SNX7: variants seen among roughly 807,000 people sequenced by gnomAD.
SNX7 encodes sorting nexin 7.
In SNX7, 35 loss-of-function variants were observed where a neutral mutation model predicts 48.4. The observed-to-expected ratio is 0.72, with a 90% CI of 0.55 to 0.96. The LOEUF (loss-of-function observed/expected upper bound fraction) is 0.96. Among genes scored for constraint, SNX7 ranks in the 40% least tolerant of loss-of-function variants. SNX7 has a pLI of 0.00. For missense variants in SNX7, 553 were observed against 548.9 expected, an observed-to-expected ratio of 1.01 and a Z score of -0.07; for synonymous variants, 190 against 190.2, an observed-to-expected ratio of 1.00 and a Z score of 0.01.
chr1:98,719,347 C>T (rs1652747123), intron 7 of SNX7, among the ~76,000 whole-genome samples: 1 of 152,112 alleles, frequency 6.6e-6, no homozygotes, highest in African/African-American at 2.4e-5. Flanking sequence ...TTCCTGTACC[C>T]TCCACCCGCA....
At chr1:98,694,798 G>C (rs11166071) in intron 4 of SNX7, among the ~76,000 whole-genome samples, 132,690 of 150,810 alleles carry the variant, frequency 0.88, 59,562 homozygotes, top group Non-Finnish European at 0.96. Flanking sequence ...TTAGTAGAGA[G>C]GGAGTTTCAC....
chr1:98,756,422 G>GTTT (rs35117249), intron 8 of SNX7, among the ~76,000 whole-genome samples: 1,711 of 54,594 alleles, frequency 0.031, 133 homozygotes, highest in Admixed American at 0.042. Flanking sequence ...TGCCAGATGA[G>GTTT]TTTTTTTTTT....
intron 8 of SNX7, among the ~76,000 whole-genome samples, chr1:98,756,360 T>C (rs1654845516): frequency 6.7e-6 from 1 of 149,508 alleles, no homozygotes; most frequent in Non-Finnish European, 1.5e-5. Flanking sequence ...CTCATGTCGT[T>C]ACTATGTCAT....
chr1:98,673,583 C>G (rs1290492116), intron 1 of SNX7, among the ~76,000 whole-genome samples: 1 of 152,156 alleles, frequency 6.6e-6, no homozygotes. Context: ...CAGTCTTGAC[C>G]ACTATTGTAT....
chr1:98,726,956 A>C (rs1488690500), intron 7 of SNX7, among the ~76,000 whole-genome samples: 1 of 152,210 alleles, frequency 6.6e-6, no homozygotes, highest in African/African-American at 2.4e-5. Flanking sequence ...CATGCCTGTA[A>C]TCCCAGCACT....
At chr1:98,737,622 G>C (rs1403771962) in intron 7 of SNX7, among the ~76,000 whole-genome samples, 1 of 152,202 alleles carries the variant, frequency 6.6e-6, no homozygotes, top group Non-Finnish European at 1.5e-5. Context: ...AGGTGGGGAA[G>C]AGGGTAAATA....
Position 98,675,994 on chromosome 1 carries a change from T to C in SNX7, c.181-8891T>C, listed in dbSNP as rs569947414. ...GTTTTTCTGGTTATAAAATATAACA[T>C]ATGTTTTAGAATATTTGGAAAATAA... On this transcript the variant is annotated intron_variant, in intron 1 of 8. Transcript: ENST00000306121. Among the ~76,000 whole-genome samples the C allele has an allele frequency of 3.3e-5, 5 of 152,290 alleles. 1 individual carries two copies. In the South Asian group the frequency reaches 1.0e-3, roughly 32 times the overall value.
At chr1:98,744,230 A>T (rs1570602160) in intron 8 of SNX7, among the ~76,000 whole-genome samples, 1 of 152,034 alleles carries the variant, frequency 6.6e-6, no homozygotes, top group African/African-American at 2.4e-5. Flanking sequence ...AAATTAGATA[A>T]AAGTTAGTTA....
intron 1 of SNX7, among the ~76,000 whole-genome samples, chr1:98,679,225 C>T (rs1433390897): frequency 6.6e-6 from 1 of 152,112 alleles, no homozygotes; most frequent in Non-Finnish European, 1.5e-5. Context: ...CAGGGAAACT[C>T]CCATTTTTAA....
At chr1:98,678,908 A>G (rs1650322837) in intron 1 of SNX7, among the ~76,000 whole-genome samples, 1 of 152,194 alleles carries the variant, frequency 6.6e-6, no homozygotes, top group South Asian at 2.1e-4. Context: ...ATATACACTA[A>G]TATAGTTTGG....
chr1:98,670,417 G>C (rs1649787141), intron 1 of SNX7, among the ~76,000 whole-genome samples: 1 of 152,158 alleles, frequency 6.6e-6, no homozygotes, highest in African/African-American at 2.4e-5. Context: ...AGATGTAAAG[G>C]CTGGAAATGC....
intron 8 of SNX7, among the ~76,000 whole-genome samples, chr1:98,754,202 G>A (rs1224381738): frequency 3.9e-5 from 6 of 151,960 alleles, no homozygotes; most frequent in East Asian, 1.9e-4. Context: ...TCTTGCCTTC[G>A]TGGGATAAAC....
At position 98,695,694 on chromosome 1, in the gene SNX7, G is replaced by T. The variant is rs2100964754; in HGVS notation, c.816G>T (p.Gln272His). 1 of 1,578,298 alleles carries T rather than the reference G, an allele frequency of 6.3e-7. No homozygotes were observed. Among genetic ancestry groups the T allele is most frequent in the South Asian group, 1.1e-5 (1 of 90,316 alleles). Reference sequence around the variant, plus strand: ...TAAATTTGATAGATAAAATATCTCAGAGAATTTATAAGGAAGAAAGGGGTA... The same window carrying T: ...TAAATTTGATAGATAAAATATCTCATAGAATTTATAAGGAAGAAAGGGGTA... ...QKINLIDKIS[Q>H]RIYKEEREYF... is the part of the protein sequence containing the mutation. The change falls in exon 5 of 9, where the codon CAG becomes CAT. Residue 272 changes from glutamine (Q) to histidine (H), a missense_variant. By Grantham distance (24) the Gln-to-His change is conservative (BLOSUM62 0). Transcript: ENST00000306121.
intron 7 of SNX7, among the ~76,000 whole-genome samples, chr1:98,706,124 G>A (rs537423512): frequency 2.0e-5 from 3 of 152,164 alleles, no homozygotes; most frequent in East Asian, 3.9e-4. Context: ...CCATATGAAC[G>A]TCACTGTTCC....
At chr1:98,715,791 T>A (rs1329621779) in intron 7 of SNX7, among the ~76,000 whole-genome samples, 1 of 152,166 alleles carries the variant, frequency 6.6e-6, no homozygotes, top group Non-Finnish European at 1.5e-5. Context: ...TGGTTCCTTT[T>A]GGTAGAAAAA....
chr1:98,695,967 G>A (rs1464319756), intron 5 of SNX7, among the ~76,000 whole-genome samples: 2 of 152,106 alleles, frequency 1.3e-5, no homozygotes, highest in African/African-American at 4.8e-5. Flanking sequence ...AAGTAAGCCC[G>A]AGTTAAAGAT....
intron 8 of SNX7, among the ~76,000 whole-genome samples, chr1:98,758,423 C>T (rs1373856490): frequency 1.3e-5 from 2 of 151,944 alleles, no homozygotes; most frequent in East Asian, 3.9e-4. Flanking sequence ...TGTTATTTCT[C>T]CATCCCTATG....
At chr1:98,721,214 A>T (rs1025038729) in intron 7 of SNX7, among the ~76,000 whole-genome samples, 1 of 152,104 alleles carries the variant, frequency 6.6e-6, no homozygotes, top group Non-Finnish European at 1.5e-5. Context: ...TTGGATTTTC[A>T]GATTAGGAAT....
chr1:98,724,744 C>T (rs1653078272), intron 7 of SNX7, among the ~76,000 whole-genome samples: 1 of 152,058 alleles, frequency 6.6e-6, no homozygotes, highest in Non-Finnish European at 1.5e-5. Flanking sequence ...CCCTAGATTG[C>T]TTTTTAGCAA....
Sources: gnomAD v4.1 joint callset for allele counts (sites outside exome capture counted in the v4.1 genomes callset) on GRCh38, gnomAD v4.1.1 for gene constraint, MANE v1.5 for transcripts, NCBI Gene and HGNC (gene_info 2026-07-23, HGNC 2026-07-21) for gene names.